The following LRRC4C variants were observed in gnomAD, a reference collection of about 807,000 sequenced individuals.
LRRC4C encodes the protein leucine-rich repeat-containing protein 4C.
LRRC4C carries 5 observed loss-of-function variants against 33.6 expected under a neutral mutation model. The observed-to-expected ratio is 0.15, with a 90% CI of 0.08 to 0.31. The LOEUF is 0.31. Among genes scored for constraint, LRRC4C ranks in the 10% least tolerant of loss-of-function variants. The pLI is 1.00. For synonymous variants in LRRC4C, 329 were observed against 302.0 expected, an observed-to-expected ratio of 1.09 and a Z score of -0.93; for missense variants, 560 against 796.7, an observed-to-expected ratio of 0.70 and a Z score of 3.58.
chr11:40,867,427 C>T lies in LRRC4C; in HGVS notation c.-407+66208G>A, dbSNP rs1194113658. 2.0e-5 allele frequency among the ~76,000 whole-genome samples: 3 copies of T among 152,096 alleles called. No individual in the cohort carries two copies. The East Asian group carries it at 5.8e-4, about 29-fold the overall frequency. ...CTGTCTCTGGAAGTGACTATGAAGG[C>T]TAAATGAGAAACATATCAGCATTGG... is the stretch of plus-strand genomic sequence containing the variant. On this transcript the variant is annotated intron_variant, in intron 2 of 6. Transcript: ENST00000528697.
In LRRC4C at chr11:40,291,772, A is replaced by G. The variant is rs1004115941; in HGVS notation, c.-176+27856T>C. The stretch of plus-strand genomic sequence containing the variant: ...TGTTAATACATTCTGTTGATCTGCA[A>G]TGTCAGGTTGGATAATGAAATTTAA... On this transcript the variant is annotated intron_variant, in intron 4 of 6. Transcript: ENST00000528697. Among the ~76,000 whole-genome samples the G allele has an allele frequency of 2.6e-5, 4 of 152,174 alleles. No homozygotes were observed. The East Asian group carries it at 5.8e-4, about 22-fold the overall frequency.
intron 1 of LRRC4C, among the ~76,000 whole-genome samples, chr11:41,033,746 C>A (rs1475188683): frequency 6.6e-6 from 1 of 151,990 alleles, no homozygotes; most frequent in Non-Finnish European, 1.5e-5. Flanking sequence ...TTAAAATGTA[C>A]CAATATCCCA....
chr11:40,613,023 G>A (rs1495306), intron 3 of LRRC4C, among the ~76,000 whole-genome samples: 65,642 of 151,748 alleles, frequency 0.43, 15,276 homozygotes, highest in Middle Eastern at 0.57. Flanking sequence ...AAGCATCTGA[G>A]TCTCCAGCAA....
chr11:41,158,806 A>G (rs1371176797), intron 1 of LRRC4C, among the ~76,000 whole-genome samples: 2 of 152,188 alleles, frequency 1.3e-5, no homozygotes, highest in East Asian at 1.9e-4. Context: ...ATCAAGCTCA[A>G]TAGATAGGAA....
chr11:41,116,111 T>C (rs2135731243), intron 1 of LRRC4C, among the ~76,000 whole-genome samples: 1 of 152,252 alleles, frequency 6.6e-6, no homozygotes, highest in Non-Finnish European at 1.5e-5. Flanking sequence ...CTAGTCACTG[T>C]GTTAAATATA....
At chr11:40,760,600 A>G (rs1949159805) in intron 2 of LRRC4C, among the ~76,000 whole-genome samples, 1 of 151,334 alleles carries the variant, frequency 6.6e-6, no homozygotes, top group Non-Finnish European at 1.5e-5. Context: ...TGTCCATGGA[A>G]TAAACTTCCT....
intron 1 of LRRC4C, among the ~76,000 whole-genome samples, chr11:41,154,258 G>A (rs539510227): frequency 6.6e-6 from 1 of 152,192 alleles, no homozygotes; most frequent in African/African-American, 2.4e-5. Flanking sequence ...TGTTCTATAT[G>A]CTGAAGATGA....
chr11:41,292,939 T>A (rs1303422846), intron 1 of LRRC4C, among the ~76,000 whole-genome samples: 1 of 152,146 alleles, frequency 6.6e-6, no homozygotes, highest in African/African-American at 2.4e-5. Flanking sequence ...GACATATGCA[T>A]AAAGCCTCAG....
chr11:40,130,152 T>C (rs1326766034), intron 6 of LRRC4C, among the ~76,000 whole-genome samples: 5 of 152,198 alleles, frequency 3.3e-5, no homozygotes, highest in Admixed American at 6.5e-5. Flanking sequence ...TTTGCTTTAG[T>C]GAAATGTATA....
At chr11:40,974,826 G>T (rs1040826057) in intron 1 of LRRC4C, among the ~76,000 whole-genome samples, 1 of 152,180 alleles carries the variant, frequency 6.6e-6, no homozygotes, top group African/African-American at 2.4e-5. Context: ...TCTTGCACTT[G>T]GAGCTAGGAC....
chr11:40,715,507 A>G (rs1421812881), intron 2 of LRRC4C, among the ~76,000 whole-genome samples: 2 of 152,200 alleles, frequency 1.3e-5, no homozygotes, highest in South Asian at 2.1e-4. Flanking sequence ...TTGAATGTGT[A>G]CCTACCTACG....
At chr11:41,129,989 C>T (rs916941528) in intron 1 of LRRC4C, among the ~76,000 whole-genome samples, 12 of 151,904 alleles carry the variant, frequency 7.9e-5, no homozygotes, top group Admixed American at 7.9e-4. Context: ...CCACCAAGCT[C>T]CAGATTCTGT....
chr11:41,234,530 T>C (rs1000778913), intron 1 of LRRC4C, among the ~76,000 whole-genome samples: 4 of 152,014 alleles, frequency 2.6e-5, no homozygotes, highest in African/African-American at 9.7e-5. Context: ...CCATGCTAGA[T>C]AGAATATTAA....
intron 5 of LRRC4C, among the ~76,000 whole-genome samples, chr11:40,164,325 C>T (rs369915908): frequency 8.5e-5 from 13 of 152,300 alleles, no homozygotes; most frequent in African/African-American, 3.1e-4. Context: ...ACTGCAACCT[C>T]CACCTCACGG....
At chr11:41,382,902 T>C (rs924933681) in intron 1 of LRRC4C, among the ~76,000 whole-genome samples, 6 of 152,044 alleles carry the variant, frequency 3.9e-5, no homozygotes, top group African/African-American at 1.4e-4. Context: ...CATTACACAA[T>C]AGAGTCATAC....
intron 3 of LRRC4C, among the ~76,000 whole-genome samples, chr11:40,598,878 T>C (rs899792578): frequency 3.3e-5 from 5 of 152,104 alleles, no homozygotes; most frequent in African/African-American, 4.8e-5. Flanking sequence ...AGTGGGGAGA[T>C]AGCAGAGTGA....
At chr11:41,354,911 G>A (rs942224250) in intron 1 of LRRC4C, among the ~76,000 whole-genome samples, 1 of 151,982 alleles carries the variant, frequency 6.6e-6, no homozygotes, top group African/African-American at 2.4e-5. Flanking sequence ...GAAAACCTAG[G>A]AAATACCATT....
At chr11:40,749,458 C>A (rs1371063354) in intron 2 of LRRC4C, among the ~76,000 whole-genome samples, 64 of 125,216 alleles carry the variant, frequency 5.1e-4, no homozygotes, top group South Asian at 1.0e-3. Context: ...CTATGAGATA[C>A]AAAAAAAAAA....
At chr11:41,334,995 G>GT (rs1403151881) in intron 1 of LRRC4C, among the ~76,000 whole-genome samples, 2 of 152,146 alleles carry the variant, frequency 1.3e-5, no homozygotes, top group Admixed American at 1.3e-4. Flanking sequence ...CAGGCCATCA[G>GT]TTTTCAGTCT....
Sources: allele counts gnomAD v4.1 joint callset (sites outside exome capture counted in the v4.1 genomes callset), GRCh38; gene constraint gnomAD v4.1.1; transcripts MANE v1.5; gene names NCBI Gene and HGNC (gene_info 2026-07-23, HGNC 2026-07-21).